The following LYST variants were observed in gnomAD, a reference collection of about 807,000 sequenced individuals.
LYST encodes the protein lysosomal trafficking regulator, also known as lysosomal-trafficking regulator.
Under a neutral mutation model 413.6 loss-of-function variants are expected in LYST, and 192 were observed. That is an observed-to-expected ratio of 0.46 (90% CI 0.41 to 0.52). LYST has a LOEUF of 0.52. LYST is among the 20% of genes least tolerant of loss of function. The probability of loss-of-function intolerance (pLI) is 0.00; values close to 1 mark genes in which losing one functional copy is unlikely to be tolerated. For synonymous variants in LYST, 1,525 were observed against 1,567.3 expected, an observed-to-expected ratio of 0.97 and a Z score of 0.64; for missense variants, 3,815 against 4,499.9, an observed-to-expected ratio of 0.85 and a Z score of 4.35.
At chr1:235,717,527 G>C (rs1346124050) in intron 40 of LYST, among the ~76,000 whole-genome samples, 1 of 152,036 alleles carries the variant, frequency 6.6e-6, no homozygotes, top group Non-Finnish European at 1.5e-5. Context: ...GCACTTGAAG[G>C]AGCAAAAGAA....
chr1:235,750,126 T>C (rs1666340184), intron 28 of LYST, among the ~76,000 whole-genome samples: 2 of 152,146 alleles, frequency 1.3e-5, no homozygotes, highest in Non-Finnish European at 2.9e-5. Flanking sequence ...CCAGCAATCA[T>C]GTTTTGGCAT....
intron 1 of LYST, among the ~76,000 whole-genome samples, chr1:235,881,341 C>T (rs1023173908): frequency 6.6e-6 from 1 of 152,124 alleles, no homozygotes; most frequent in Non-Finnish European, 1.5e-5. Context: ...CTTTAATTAC[C>T]TAAAATTACT....
intron 42 of LYST, among the ~76,000 whole-genome samples, chr1:235,714,306 A>C (rs1662650671): frequency 6.6e-6 from 1 of 152,182 alleles, no homozygotes; most frequent in Non-Finnish European, 1.5e-5. Flanking sequence ...CGTCAAATTA[A>C]CCAAGGATAA....
intron 6 of LYST, 93 bp downstream of exon 6, chr1:235,805,650 T>G (rs1413555804): frequency 1.6e-5 from 8 of 497,198 alleles, no homozygotes; most frequent in Non-Finnish European, 3.3e-6. Flanking sequence ...ACATATATTA[T>G]GTAATACATA....
Position 235,810,250 on chromosome 1 carries a change from G to A in LYST, c.568C>T (p.His190Tyr). ...NKHRRPHLLH[H>Y]FLTSFPKQDH... ...TGTTTAGGAAACGATGTTAAAAAAT[G>A]ATGCAGCAGATGGGGCCTTCTATGC... Residue 190 changes from histidine to tyrosine, a missense_variant, in exon 5 of 53, where the codon CAT becomes TAT. By Grantham distance (83) the His-to-Tyr change is moderately conservative. Transcript: ENST00000389793. The A allele has an allele frequency of 6.2e-7, 1 of 1,614,124 alleles. No individual in the cohort carries two copies. The highest frequency in any genetic ancestry group is 2.2e-5 in the East Asian group (1 of 44,880).
Position 235,776,934 on chromosome 1 carries a change from A to AT in LYST, c.5460+128dup, listed in dbSNP as rs368771903. On this transcript the variant is annotated intron_variant, in intron 17 of 52. Coordinates refer to ENST00000389793, the MANE Select transcript of LYST (RefSeq NM_000081.4). Reference sequence around the variant, plus strand: ...AAGCTTAATAACATTTTAATATGTAATTTTTTTATGTTAAAAGTTTAATAT... The same window carrying AT: ...AAGCTTAATAACATTTTAATATGTAATTTTTTTTATGTTAAAAGTTTAATAT... 4.1e-4 allele frequency: 302 copies of AT among 739,808 alleles called. 1 individual carries two copies. Among genetic ancestry groups the AT allele is most frequent in the South Asian group, 2.2e-3 (121 of 55,322 alleles). The allele number at this position is 739,808 out of a possible 1,614,324, so 45.8% of individuals were successfully genotyped here.
intron 48 of LYST, among the ~76,000 whole-genome samples, chr1:235,684,007 ATACT>A (rs1571989208): frequency 1.3e-5 from 2 of 152,228 alleles, no homozygotes; most frequent in Non-Finnish European, 2.9e-5. Context: ...TGATTACCTA[ATACT>A]TAGGTGGAAA....
chr1:235,712,694 CG>C (rs984827254), intron 42 of LYST: 4 of 983,934 alleles, frequency 4.1e-6, no homozygotes, highest in African/African-American at 1.8e-5. Context: ...TCTTTTTTTT[CG>C]GGGGGGTGCG....
intron 48 of LYST, among the ~76,000 whole-genome samples, chr1:235,684,215 T>C (rs1660042348): frequency 6.6e-6 from 1 of 152,202 alleles, no homozygotes; most frequent in Admixed American, 6.5e-5. Context: ...CAAATACTCC[T>C]ATAGTGACAG....
chr1:235,851,581 T>C (rs1041896733), intron 1 of LYST, among the ~76,000 whole-genome samples: 2 of 151,624 alleles, frequency 1.3e-5, no homozygotes, highest in South Asian at 2.1e-4. Flanking sequence ...AATAAAAAGG[T>C]TTATTGGCAA....
In LYST at chr1:235,664,119, T is replaced by C. The variant is rs529450480; in HGVS notation, c.11196-64A>G. On this transcript the variant is annotated intron_variant, in intron 51 of 52. Transcript: ENST00000389793. This position sits in a 1 kb window ranked among gnomAD's most constrained non-coding sequence, Gnocchi z 4.5. ...ATTACTCTCCCTAAAAAGCCCTCTA[T>C]ATTTGTTTATTTGTTAAAAATCATG... is the stretch of plus-strand genomic sequence containing the variant. 7 of 1,165,552 alleles carry C rather than the reference T, an allele frequency of 6.0e-6. No individual in the cohort carries two copies. In the East Asian group the frequency reaches 1.4e-4, roughly 23 times the overall value. The allele number at this position is 1,165,552 out of a possible 1,614,324, so 72.2% of individuals were successfully genotyped here.
chr1:235,794,393 T>C (rs992014055), intron 10 of LYST, among the ~76,000 whole-genome samples: 2 of 152,186 alleles, frequency 1.3e-5, no homozygotes, highest in African/African-American at 4.8e-5. Context: ...CTTTATTCCA[T>C]CATAGGTTTA....
chr1:235,698,929 G>C (rs746940319), intron 45 of LYST, among the ~76,000 whole-genome samples: 17 of 152,110 alleles, frequency 1.1e-4, no homozygotes, highest in Non-Finnish European at 2.2e-4. Flanking sequence ...AAAAATGTGT[G>C]TGCTAAATTT....
Position 235,757,446 on chromosome 1 carries a change from G to C in LYST, c.6894C>G (p.Asp2298Glu). The change falls in exon 24 of 53, where the codon GAC (aspartate) becomes GAG (glutamate). Residue 2298 changes from aspartate (D) to glutamate (E), a missense_variant. Physicochemically the swap from Asp to Glu is conservative, Grantham distance 45 (BLOSUM62 2). This residue lies in a region of LYST where 771 missense variants were observed against 837.1 expected (regional missense o/e 0.92). Transcript: ENST00000389793. ...ATCCACAGCATATAGGTACCAAACA[G>C]TCTTCAGTTACACTAAAACAGAGAC... ...RTASAHSVTE[D>E]CLVPICCGLY... is the part of the protein sequence containing the mutation. 1 of 1,613,144 alleles carries C rather than the reference G, an allele frequency of 6.2e-7. No homozygotes were observed. Among genetic ancestry groups the C allele is most frequent in the South Asian group, 1.1e-5 (1 of 91,058 alleles).
intron 1 of LYST, among the ~76,000 whole-genome samples, chr1:235,881,666 T>C (rs1211852199): frequency 2.0e-5 from 3 of 152,188 alleles, no homozygotes; most frequent in Non-Finnish European, 4.4e-5. Context: ...TACATATATA[T>C]ATGCAATGGA....
chr1:235,830,683 T>C (rs1303271154), intron 2 of LYST, among the ~76,000 whole-genome samples: 1 of 152,186 alleles, frequency 6.6e-6, no homozygotes. Flanking sequence ...AGCACCTGGA[T>C]GGAAAACATT....
In LYST at chr1:235,744,015, A is replaced by C; in HGVS notation, c.8115T>G (p.Ile2705Met). ...TGAATCCTTCTACCAGATATGTAAA[A>C]ATTTCTTTCTGAAATGGATTGAAAA... is the stretch of plus-strand genomic sequence containing the variant. ...SSVFNPFQKEIFTYLVEGFKV... is the reference protein window; with the variant it reads ...SSVFNPFQKEMFTYLVEGFKV... The change falls in exon 30 of 53, where the codon ATT becomes ATG. Residue 2705 changes from isoleucine to methionine, a missense_variant. By Grantham distance (10) the Ile-to-Met change is conservative (BLOSUM62 1). This residue lies in a region of LYST where 771 missense variants were observed against 837.1 expected (regional missense o/e 0.92). Transcript: ENST00000389793. 1 of 1,534,914 alleles carries C rather than the reference A, an allele frequency of 6.5e-7. No individual in the cohort carries two copies. The highest frequency in any genetic ancestry group is 9.0e-7 in the Non-Finnish European group (1 of 1,109,474).
chr1:235,744,416 C>G (rs1034305356), intron 29 of LYST, among the ~76,000 whole-genome samples: 1 of 152,140 alleles, frequency 6.6e-6, no homozygotes, highest in East Asian at 1.9e-4. Flanking sequence ...AGTTAAACTG[C>G]AAAATGACTA....
At chr1:235,673,321 G>T (rs1245065897) in intron 50 of LYST, among the ~76,000 whole-genome samples, 1 of 151,168 alleles carries the variant, frequency 6.6e-6, no homozygotes, top group Non-Finnish European at 1.5e-5. Context: ...TGCTTGTTTT[G>T]TTATACCCTG....
Sources: allele counts gnomAD v4.1 joint callset (sites outside exome capture counted in the v4.1 genomes callset), GRCh38; gene constraint gnomAD v4.1.1; regional missense constraint gnomAD v4.1.1; non-coding constraint Gnocchi (gnomAD v3.1); transcripts MANE v1.5; gene names NCBI Gene and HGNC (gene_info 2026-07-23, HGNC 2026-07-21).